CACNA2D3: variants seen among roughly 807,000 people sequenced by gnomAD.
CACNA2D3 encodes calcium voltage-gated channel auxiliary subunit alpha2delta 3, also known as voltage-dependent calcium channel subunit alpha-2/delta-3.
In CACNA2D3, 60 loss-of-function variants were observed where a neutral mutation model predicts 160.6. That is an observed-to-expected ratio of 0.37 (90% confidence interval 0.30 to 0.46). CACNA2D3 has a LOEUF of 0.46. CACNA2D3 is among the 20% of genes least tolerant of loss of function. CACNA2D3 has a pLI of 1.00. For missense variants in CACNA2D3, 1,205 were observed against 1,365.0 expected (o/e 0.88, Z 1.85); for synonymous variants, 558 against 492.9 (o/e 1.13, Z -1.75).
At chr3:54,537,203 C>T (rs916181240) in intron 5 of CACNA2D3, among the ~76,000 whole-genome samples, 1 of 151,926 alleles carries the variant, frequency 6.6e-6, no homozygotes, top group African/African-American at 2.4e-5. Context: ...ATGAAGAGCT[C>T]CTCTTTGGCC....
chr3:54,716,448 T>A (rs1701051229), intron 11 of CACNA2D3, among the ~76,000 whole-genome samples: 1 of 152,176 alleles, frequency 6.6e-6, no homozygotes, highest in Non-Finnish European at 1.5e-5. Flanking sequence ...TGAATCCATA[T>A]GTTGCGTGTG....
chr3:54,614,692 G>C (rs894927300), intron 9 of CACNA2D3, among the ~76,000 whole-genome samples: 4 of 152,078 alleles, frequency 2.6e-5, no homozygotes, highest in Non-Finnish European at 5.9e-5. Flanking sequence ...AGAAATGGCC[G>C]ATTCTAGGTT....
At chr3:54,987,829 A>C in intron 31 of CACNA2D3, 76 bp downstream of exon 31, 1 of 1,088,216 alleles carries the variant, frequency 9.2e-7, no homozygotes, top group East Asian at 2.5e-5. Context: ...GGTCAAATAA[A>C]GCAAGCCCAG....
intron 2 of CACNA2D3, among the ~76,000 whole-genome samples, chr3:54,299,083 A>G (rs1305726867): frequency 6.6e-6 from 1 of 151,624 alleles, no homozygotes; most frequent in African/African-American, 2.4e-5. Context: ...TAGCCTCTGC[A>G]GTCTGTAAGT....
At chr3:54,790,094 G>C (rs1164883710) in intron 13 of CACNA2D3, among the ~76,000 whole-genome samples, 1 of 151,890 alleles carries the variant, frequency 6.6e-6, no homozygotes, top group African/African-American at 2.4e-5. Context: ...GAGTGTACTA[G>C]GGTAGTTAGG....
chr3:55,046,104 CT>C (rs563600446), intron 35 of CACNA2D3, among the ~76,000 whole-genome samples: 9 of 134,112 alleles, frequency 6.7e-5, no homozygotes, highest in East Asian at 4.5e-4. Context: ...TTTTTAACGT[CT>C]TTTTTTTTAT....
intron 2 of CACNA2D3, among the ~76,000 whole-genome samples, chr3:54,176,158 C>A (rs182885446): frequency 4.4e-4 from 67 of 152,324 alleles, no homozygotes; most frequent in Admixed American, 2.0e-3. Context: ...TGAGCCCCAA[C>A]ACACTTTTTC....
At chr3:54,659,932 A>T (rs1356906674) in intron 11 of CACNA2D3, among the ~76,000 whole-genome samples, 1 of 152,152 alleles carries the variant, frequency 6.6e-6, no homozygotes, top group Non-Finnish European at 1.5e-5. Context: ...AGGCCAAAGC[A>T]TGGTGTCTGC....
chr3:54,229,052 C>G (rs1701723165), intron 2 of CACNA2D3, among the ~76,000 whole-genome samples: 1 of 152,160 alleles, frequency 6.6e-6, no homozygotes, highest in South Asian at 2.1e-4. Flanking sequence ...TTTCCTAAAC[C>G]AACAACACTG....
Position 55,018,189 on chromosome 3 carries a change from TCCCAC to T in CACNA2D3, c.2876-16_2876-12del. 1 of 1,541,576 alleles carries T rather than the reference TCCCAC, an allele frequency of 6.5e-7. No homozygotes were observed. ...GCCTTGCATTCTTTACCTTTTTTTTTCCCACTATCCCTACAGCCCAGAAATTGAAA... is the reference window on the plus strand; with the variant it reads ...GCCTTGCATTCTTTACCTTTTTTTTTTATCCCTACAGCCCAGAAATTGAAA... On this transcript the variant is annotated splice_polypyrimidine_tract_variant and intron_variant, in intron 34 of 37. Coordinates refer to ENST00000474759, the MANE Select transcript of CACNA2D3 (RefSeq NM_018398.3).
intron 29 of CACNA2D3, among the ~76,000 whole-genome samples, chr3:54,971,863 C>T (rs1256406758): frequency 6.6e-6 from 1 of 152,120 alleles, no homozygotes; most frequent in Non-Finnish European, 1.5e-5. Context: ...TCTTTCCATG[C>T]CTCAGTTTTC....
chr3:54,997,789 G>A (rs548169051), intron 31 of CACNA2D3, among the ~76,000 whole-genome samples: 8 of 152,154 alleles, frequency 5.3e-5, no homozygotes, highest in African/African-American at 1.2e-4. Context: ...GGCAGCCAAC[G>A]TTGAGAATCA....
In CACNA2D3 at chr3:54,491,586, G is replaced by T. The variant is rs191676954; in HGVS notation, c.382-11906G>T. Among the ~76,000 whole-genome samples, 507 of 152,234 alleles carry T rather than the reference G, an allele frequency of 3.3e-3. 4 individuals are homozygous for T. The highest frequency in any genetic ancestry group is 0.012 in the African/African-American group (488 of 41,548). On this transcript the variant is annotated intron_variant, in intron 4 of 37. Coordinates refer to ENST00000474759, the MANE Select transcript of CACNA2D3 (RefSeq NM_018398.3). Reference sequence around the variant, plus strand: ...GACACCTTGATTTCTGAGATTATGTGCTCTCACCTGAAAAGAGGGAACCAG... The same window carrying T: ...GACACCTTGATTTCTGAGATTATGTTCTCTCACCTGAAAAGAGGGAACCAG...
At chr3:54,380,692 A>G (rs9874831) in intron 3 of CACNA2D3, among the ~76,000 whole-genome samples, 52,261 of 152,082 alleles carry the variant, frequency 0.34, 9,347 homozygotes, top group African/African-American at 0.42. Flanking sequence ...AGCCGAGATC[A>G]CCTGGGCAAT....
At chr3:54,355,764 G>A (rs1698637621) in intron 3 of CACNA2D3, among the ~76,000 whole-genome samples, 1 of 152,116 alleles carries the variant, frequency 6.6e-6, no homozygotes. Context: ...ACATATGGAT[G>A]GTATATTAAG....
At chr3:54,468,315 G>A (rs1700665023) in intron 4 of CACNA2D3, among the ~76,000 whole-genome samples, 1 of 152,320 alleles carries the variant, frequency 6.6e-6, no homozygotes, top group Non-Finnish European at 1.5e-5. Context: ...TGCCTCACCT[G>A]GGAAGTGCAA....
intron 31 of CACNA2D3, among the ~76,000 whole-genome samples, chr3:54,993,416 C>T (rs905309842): frequency 6.6e-6 from 1 of 152,188 alleles, no homozygotes; most frequent in African/African-American, 2.4e-5. Context: ...TGCCTGAGTT[C>T]TGCGGAGCTG....
chr3:54,760,130 G>T (rs1702053800), intron 12 of CACNA2D3, among the ~76,000 whole-genome samples: 1 of 152,214 alleles, frequency 6.6e-6, no homozygotes, highest in Non-Finnish European at 1.5e-5. Context: ...CAGTTAGAGA[G>T]AACACAATAA....
rs1422331276 is a variant in CACNA2D3 at position 54,284,076 on chromosome 3, AAAAAC to A, written c.205-36355_205-36351del. On this transcript the variant is annotated intron_variant, in intron 2 of 37. Transcript: ENST00000474759. ...GACTCCATCTCAAAAAACAAAAAAC[AAAAAC>A]AAAACAAAACTACTACTCTGATATA... Among the ~76,000 whole-genome samples the A allele has an allele frequency of 2.6e-5, 4 of 152,284 alleles. No individual in the cohort carries two copies. In the South Asian group the frequency reaches 6.2e-4, roughly 24 times the overall value.
Sources: gnomAD v4.1 joint callset for allele counts (sites outside exome capture counted in the v4.1 genomes callset) on GRCh38, gnomAD v4.1.1 for gene constraint, MANE v1.5 for transcripts, NCBI Gene and HGNC (gene_info 2026-07-23, HGNC 2026-07-21) for gene names.